AGBL1: variants seen among roughly 807,000 people sequenced by gnomAD.
AGBL1 encodes the protein cytosolic carboxypeptidase 4.
AGBL1 carries 130 observed loss-of-function variants against 118.9 expected under a neutral mutation model. The ratio of observed to expected loss-of-function variants is 1.09; its 90% CI spans 0.95 to 1.26. The LOEUF (loss-of-function observed/expected upper bound fraction) is 1.26, where lower values mean the gene tolerates loss of function less well. AGBL1 is among the 50% of genes most tolerant of loss of function. AGBL1 has a pLI of 0.00. For synonymous variants in AGBL1, 555 were observed against 478.9 expected, an observed-to-expected ratio of 1.16 and a Z score of -2.08; for missense variants, 1,584 against 1,298.1, an observed-to-expected ratio of 1.22 and a Z score of -3.38.
At chr15:86,399,829 A>T (rs2081418916) in intron 18 of AGBL1, among the ~76,000 whole-genome samples, 1 of 152,096 alleles carries the variant, frequency 6.6e-6, no homozygotes, top group Non-Finnish European at 1.5e-5. Flanking sequence ...ATTTATCATC[A>T]TTACCATTAT....
At chr15:86,257,188 G>A (rs540674293) in intron 8 of AGBL1, among the ~76,000 whole-genome samples, 170 bp downstream of exon 8, 1 of 152,214 alleles carries the variant, frequency 6.6e-6, no homozygotes, top group Admixed American at 6.5e-5. Flanking sequence ...CATAAACAGG[G>A]TGATTTCATA....
chr15:87,030,298 A>C (rs556418568), downstream of AGBL1, among the ~76,000 whole-genome samples: 1 of 152,142 alleles, frequency 6.6e-6, no homozygotes, highest in Admixed American at 6.6e-5. Flanking sequence ...TCTATCCTCA[A>C]GACTGAGTGA....
chr15:87,026,828 C>A (rs931644407), intron 24 of AGBL1, among the ~76,000 whole-genome samples: 1 of 152,008 alleles, frequency 6.6e-6, no homozygotes, highest in Admixed American at 6.6e-5. Flanking sequence ...GAATTATTGG[C>A]ATTCGCAGCA....
At chr15:86,290,563 G>C (rs1270359315) in intron 16 of AGBL1, among the ~76,000 whole-genome samples, 3 of 151,716 alleles carry the variant, frequency 2.0e-5, no homozygotes, top group Non-Finnish European at 2.9e-5. Flanking sequence ...TGTAGCCCAG[G>C]CTGGTCTTGA....
At chr15:86,638,733 A>G (rs904448745) in intron 21 of AGBL1, among the ~76,000 whole-genome samples, 4 of 152,170 alleles carry the variant, frequency 2.6e-5, no homozygotes, top group African/African-American at 9.7e-5. Context: ...TAAACATAGG[A>G]CTGTATTAGT....
chr15:86,631,938 C>T (rs57083507), intron 21 of AGBL1, among the ~76,000 whole-genome samples: 1 of 151,164 alleles, frequency 6.6e-6, no homozygotes, highest in Non-Finnish European at 1.5e-5. Flanking sequence ...CCTGTAATCC[C>T]AGCACTTTGA....
At chr15:86,838,941 T>TTAAAAAA (rs1269304671) in intron 22 of AGBL1, among the ~76,000 whole-genome samples, 1 of 48,006 alleles carries the variant, frequency 2.1e-5, no homozygotes, top group Non-Finnish European at 3.4e-5. Context: ...TGAGATCCTG[T>TTAAAAAA]AAAAAAAAAA....
chr15:86,668,813 A>C (rs1434213155), intron 21 of AGBL1, among the ~76,000 whole-genome samples: 2 of 152,202 alleles, frequency 1.3e-5, no homozygotes, highest in East Asian at 3.9e-4. Context: ...GTAAGACCGC[A>C]ATCTGCAAAG....
At chr15:86,667,564 G>A (rs1257362164) in intron 21 of AGBL1, among the ~76,000 whole-genome samples, 2 of 151,902 alleles carry the variant, frequency 1.3e-5, no homozygotes, top group East Asian at 1.9e-4. Flanking sequence ...TTATTTATAG[G>A]GATCTTGATC....
chr15:86,127,965 A>G (rs542856924), intron 1 of AGBL1, among the ~76,000 whole-genome samples: 25 of 152,308 alleles, frequency 1.6e-4, no homozygotes, highest in African/African-American at 5.1e-4. Flanking sequence ...AGGACCTTCT[A>G]TGAATTTTTA....
chr15:86,507,600 T>C (rs2082993155), intron 18 of AGBL1, among the ~76,000 whole-genome samples: 1 of 151,926 alleles, frequency 6.6e-6, no homozygotes, highest in Admixed American at 6.6e-5. Context: ...GGTTGGAAAA[T>C]AGAGGGTAAT....
At position 86,801,138 on chromosome 15, in the gene AGBL1, C is replaced by T. The variant is rs189226632; in HGVS notation, c.3159-105949C>T. 4.2e-3 allele frequency among the ~76,000 whole-genome samples: 646 copies of T among 152,204 alleles called. 4 individuals are homozygous for T. Among genetic ancestry groups the T allele is most frequent in the South Asian group, 0.02 (95 of 4,828 alleles). Reference sequence around the variant, plus strand: ...AATGATCCTTACATTCACCATCTTACAGCTTCAAACGTTGCCTTTTCCTGT... The same window carrying T: ...AATGATCCTTACATTCACCATCTTATAGCTTCAAACGTTGCCTTTTCCTGT... On this transcript the variant is annotated intron_variant, in intron 22 of 22. Transcript: ENST00000614907.
intron 22 of AGBL1, among the ~76,000 whole-genome samples, chr15:86,739,964 T>TA (rs895026354): frequency 1.3e-5 from 2 of 152,328 alleles, no homozygotes; most frequent in African/African-American, 4.8e-5. Context: ...ATAACACTCT[T>TA]AAATAACCCC....
chr15:86,504,783 T>C (rs2082955857), intron 18 of AGBL1, among the ~76,000 whole-genome samples: 2 of 151,852 alleles, frequency 1.3e-5, no homozygotes, highest in East Asian at 3.9e-4. Flanking sequence ...TATGCCATTG[T>C]TTTTTAAATC....
chr15:86,645,998 C>T (rs764875386), intron 21 of AGBL1, among the ~76,000 whole-genome samples: 4 of 152,142 alleles, frequency 2.6e-5, no homozygotes, highest in East Asian at 1.9e-4. Flanking sequence ...CGGCTTGAGT[C>T]GGGAATATTT....
chr15:86,701,013 C>T (rs967399400), intron 22 of AGBL1, among the ~76,000 whole-genome samples: 1 of 152,086 alleles, frequency 6.6e-6, no homozygotes, highest in Admixed American at 6.6e-5. Flanking sequence ...AGGGTTGCTC[C>T]AGAGCTGTGT....
At chr15:86,726,452 A>G (rs955764367) in intron 22 of AGBL1, among the ~76,000 whole-genome samples, 21 of 152,224 alleles carry the variant, frequency 1.4e-4, no homozygotes, top group Non-Finnish European at 2.9e-5. Flanking sequence ...TTCTCCATCT[A>G]TATAAAGAAA....
At chr15:86,528,626 T>G (rs1426370832) in intron 19 of AGBL1, among the ~76,000 whole-genome samples, 145 of 129,110 alleles carry the variant, frequency 1.1e-3, no homozygotes, top group African/African-American at 4.1e-3. Flanking sequence ...GAGGCCTGCC[T>G]GCCTCTGTAG....
At chr15:86,091,908 T>G (rs1413328833) in intron 1 of AGBL1, among the ~76,000 whole-genome samples, 1 of 152,176 alleles carries the variant, frequency 6.6e-6, no homozygotes, top group African/African-American at 2.4e-5. Flanking sequence ...CATAAGTACC[T>G]TTGATGGATC....
Sources: allele counts gnomAD v4.1 joint callset (sites outside exome capture counted in the v4.1 genomes callset), GRCh38; gene constraint gnomAD v4.1.1; transcripts MANE v1.5; gene names NCBI Gene and HGNC (gene_info 2026-07-23, HGNC 2026-07-21).